The following RGPD2 variants were observed in gnomAD, a reference collection of about 807,000 sequenced individuals.
The protein encoded by RGPD2 is RANBP2 like and GRIP domain containing 2, also known as RANBP2-like and GRIP domain-containing protein 2.
A neutral mutation model predicts 36.0 loss-of-function variants in RGPD2; 2 were observed. That is an observed-to-expected ratio of 0.06 (90% CI 0.02 to 0.17). RGPD2 has a LOEUF of 0.17. Ranked by LOEUF, RGPD2 falls within the 10% of genes least tolerant of loss-of-function variation. The probability of loss-of-function intolerance (pLI) is 1.00; values close to 1 mark genes in which losing one functional copy is unlikely to be tolerated. For synonymous variants in RGPD2, 19 were observed against 163.8 expected (o/e 0.12, Z 6.75); for missense variants, 40 against 464.3 (o/e 0.09, Z 8.40).
the RGPD2 span, among the ~76,000 whole-genome samples, chr2:87,877,395 T>C: frequency 1.3e-5 from 2 of 152,308 alleles, no homozygotes; most frequent in Admixed American, 1.3e-4. Context: ...AAGGCAGGCC[T>C]TGTGGTAATG....
chr2:87,825,381 C>A (rs1179932402), intron 1 of RGPD2, among the ~76,000 whole-genome samples: 1 of 137,584 alleles, frequency 7.3e-6, no homozygotes. Context: ...GAGGCCGCCG[C>A]CGCCGCCGCC....
At chr2:87,849,429 T>C in the RGPD2 span, among the ~76,000 whole-genome samples, 2 of 152,228 alleles carry the variant, frequency 1.3e-5, no homozygotes, top group Non-Finnish European at 2.9e-5. Context: ...CAGGAAATAA[T>C]TGAAGTCATT....
chr2:87,769,712 C>A (rs1158670613), intron 22 of RGPD2, among the ~76,000 whole-genome samples: 12 of 151,770 alleles, frequency 7.9e-5, no homozygotes, highest in Non-Finnish European at 1.6e-4. Context: ...TTTTAAAATG[C>A]AAACATTCTT....
the RGPD2 span, among the ~76,000 whole-genome samples, chr2:87,892,916 TAA>T: frequency 1.3e-5 from 2 of 148,268 alleles, no homozygotes; most frequent in Non-Finnish European, 3.0e-5. Context: ...CAAGCACTTT[TAA>T]GTTTTATCTC....
the RGPD2 span, among the ~76,000 whole-genome samples, chr2:87,857,907 T>C: frequency 6.6e-6 from 1 of 152,242 alleles, no homozygotes; most frequent in Non-Finnish European, 1.5e-5. Flanking sequence ...GAGTAGATAC[T>C]GTATGTAGTT....
chr2:87,983,300 A>G, the RGPD2 span, among the ~76,000 whole-genome samples: 1 of 152,132 alleles, frequency 6.6e-6, no homozygotes, highest in Non-Finnish European at 1.5e-5. Context: ...AGCCTAGATG[A>G]CAGAGCAAAA....
At chr2:87,909,206 C>A in the RGPD2 span, among the ~76,000 whole-genome samples, 5 of 152,120 alleles carry the variant, frequency 3.3e-5, no homozygotes, top group African/African-American at 1.2e-4. Context: ...CTGCCACAGT[C>A]AGAGGGAATG....
the RGPD2 span, among the ~76,000 whole-genome samples, chr2:87,841,540 G>T: frequency 3.9e-5 from 6 of 152,052 alleles, no homozygotes; most frequent in African/African-American, 1.4e-4. Flanking sequence ...GCCTGTTATT[G>T]GTCTATTCAG....
the RGPD2 span, among the ~76,000 whole-genome samples, chr2:87,986,961 A>G: frequency 1.4e-5 from 2 of 144,898 alleles, no homozygotes; most frequent in African/African-American, 5.1e-5. Context: ...ACTTCAGTAA[A>G]TATATAATAT....
chr2:87,843,579 T>C, the RGPD2 span, among the ~76,000 whole-genome samples: 1 of 143,666 alleles, frequency 7.0e-6, no homozygotes, highest in Admixed American at 7.0e-5. Context: ...CTGGAGAGGA[T>C]GTGGAGAAAT....
chr2:87,971,782 C>T, the RGPD2 span, among the ~76,000 whole-genome samples: 1 of 151,912 alleles, frequency 6.6e-6, no homozygotes, highest in African/African-American at 2.4e-5. Context: ...AGCTAGAACT[C>T]AAATTACAAA....
At chr2:87,839,495 G>A in the RGPD2 span, among the ~76,000 whole-genome samples, 3 of 151,998 alleles carry the variant, frequency 2.0e-5, no homozygotes, top group Non-Finnish European at 4.4e-5. Context: ...GTTCTTCACA[G>A]CACTATTCAC....
the RGPD2 span, among the ~76,000 whole-genome samples, chr2:87,921,958 G>C: frequency 6.6e-6 from 1 of 151,032 alleles, no homozygotes. Flanking sequence ...TGATGGTCAA[G>C]GTGATGTAAG....
At chr2:87,962,027 C>CAAAAA in the RGPD2 span, among the ~76,000 whole-genome samples, 1 of 108,428 alleles carries the variant, frequency 9.2e-6, no homozygotes, top group Non-Finnish European at 1.9e-5. Flanking sequence ...ACACTTGTCT[C>CAAAAA]AAAAAAAAAA....
Position 87,782,941 on chromosome 2 carries a change from T to C in RGPD2, c.4083A>G (p.Lys1361=). 1 of 1,609,524 alleles carries C rather than the reference T, an allele frequency of 6.2e-7. No individual in the cohort carries two copies. Among genetic ancestry groups the C allele is most frequent in the Non-Finnish European group, 8.5e-7 (1 of 1,178,904 alleles). Residue 1361 remains lysine (K), a synonymous_variant, in exon 20 of 23, where the codon AAA becomes AAG. Coordinates refer to ENST00000398146, the MANE Select transcript of RGPD2 (RefSeq NM_001078170.3). Reference sequence around the variant, plus strand: ...CCCTTTCTTTCCATTGACCAACATCTTTATCATATCTGTAGAGTTCTGCCA... The same window carrying C: ...CCCTTTCTTTCCATTGACCAACATCCTTATCATATCTGTAGAGTTCTGCCA... ...SHMAELYRYD[K]DVGQWKERGI...
the RGPD2 span, among the ~76,000 whole-genome samples, chr2:87,882,645 T>A: frequency 2.0e-5 from 3 of 152,266 alleles, no homozygotes; most frequent in African/African-American, 7.2e-5. Flanking sequence ...ATTGGAATTT[T>A]GATACGGATT....
the RGPD2 span, among the ~76,000 whole-genome samples, chr2:87,894,329 TCC>T: frequency 6.6e-6 from 1 of 151,644 alleles, no homozygotes; most frequent in Admixed American, 6.6e-5. Context: ...GTCAACATAT[TCC>T]ATATTTGAAT....
the RGPD2 span, among the ~76,000 whole-genome samples, chr2:87,989,494 G>T: frequency 7.2e-5 from 11 of 152,256 alleles, no homozygotes; most frequent in Admixed American, 5.2e-4. Context: ...TTGTTTTCAT[G>T]AAGTTTTTAA....
At chr2:87,835,886 TG>T in the RGPD2 span, among the ~76,000 whole-genome samples, 1 of 109,374 alleles carries the variant, frequency 9.1e-6, no homozygotes, top group Non-Finnish European at 1.9e-5. Context: ...TTCTTAGCCT[TG>T]GCTCTGCAGA....
Sources: gnomAD v4.1 joint callset for allele counts (sites outside exome capture counted in the v4.1 genomes callset) on GRCh38, gnomAD v4.1.1 for gene constraint, MANE v1.5 for transcripts, NCBI Gene and HGNC (gene_info 2026-07-23, HGNC 2026-07-21) for gene names.